UNC5A: variants seen among roughly 807,000 people sequenced by gnomAD.
UNC5A encodes netrin receptor UNC5A.
A neutral mutation model predicts 87.4 loss-of-function variants in UNC5A; 20 were observed. That is an observed-to-expected ratio of 0.23 (90% CI 0.16 to 0.33). The LOEUF is 0.33. Among genes scored for constraint, UNC5A ranks in the 10% least tolerant of loss-of-function variants. The pLI, the probability that UNC5A is intolerant of heterozygous loss-of-function variation, is 1.00. For synonymous variants in UNC5A, 438 were observed against 482.3 expected, an observed-to-expected ratio of 0.91 and a Z score of 1.20; for missense variants, 844 against 1,133.4, an observed-to-expected ratio of 0.74 and a Z score of 3.67.
chr5:176,811,146 A>G (rs1756442453), intron 1 of UNC5A, among the ~76,000 whole-genome samples: 1 of 152,220 alleles, frequency 6.6e-6, no homozygotes, highest in South Asian at 2.1e-4. Flanking sequence ...AACCCCAGGG[A>G]GCCTGACTTT....
chr5:176,873,811 C>T (rs1038981915), intron 6 of UNC5A, among the ~76,000 whole-genome samples, 157 bp from the exon 7 acceptor site: 1 of 152,202 alleles, frequency 6.6e-6, no homozygotes, highest in East Asian at 1.9e-4. Flanking sequence ...GGGATGCACA[C>T]GCACGGACTC....
At chr5:176,828,836 A>G (rs1386809355) in intron 1 of UNC5A, among the ~76,000 whole-genome samples, 1 of 150,694 alleles carries the variant, frequency 6.6e-6, no homozygotes, top group African/African-American at 2.4e-5. Context: ...TGGAGGTATG[A>G]AAGATGGATG....
rs1217072946 is a variant in UNC5A, at chr5:176,841,309, C to T, written c.71-21315C>T. On this transcript the variant is annotated intron_variant, in intron 1 of 14. Coordinates refer to ENST00000329542, the MANE Select transcript of UNC5A (RefSeq NM_133369.3). This position sits in a 1 kb window ranked among gnomAD's most constrained non-coding sequence, Gnocchi z 4.1. ...CAGAGTGAGCCAGCCAGAGGTGAAG[C>T]GGGGACTCAGACTCAGCTCCCAGCT... Among the ~76,000 whole-genome samples, 1 of 152,094 alleles carries T rather than the reference C, an allele frequency of 6.6e-6. No homozygotes were observed. The highest frequency in any genetic ancestry group is 1.5e-5 in the Non-Finnish European group (1 of 68,006).
rs1056442415 is a variant in UNC5A at position 176,842,184 on chromosome 5, G to A, written c.71-20440G>A. 2.6e-5 allele frequency among the ~76,000 whole-genome samples: 4 copies of A among 152,212 alleles called. No individual in the cohort carries two copies. The East Asian group carries it at 5.8e-4, about 22-fold the overall frequency. On this transcript the variant is annotated intron_variant, in intron 1 of 14. Coordinates refer to ENST00000329542, the MANE Select transcript of UNC5A (RefSeq NM_133369.3). ...TGCACTCCAGCCTGGATGATAGAGCGAGACTCCGTCTCAAAACAAAACAAA... is the reference window on the plus strand; with the variant it reads ...TGCACTCCAGCCTGGATGATAGAGCAAGACTCCGTCTCAAAACAAAACAAA...
chr5:176,874,088 C>T lies in UNC5A; in HGVS notation c.1007C>T (p.Ser336Leu), dbSNP rs1758198237. The T allele has an allele frequency of 3.1e-6, 5 of 1,614,104 alleles. No homozygotes were observed. Among genetic ancestry groups the T allele is most frequent in the Non-Finnish European group, 3.4e-6 (4 of 1,179,982 alleles). ...VYCRKKEGLD[S>L]DVADSSILTS... ...TGCCGGAAGAAGGAGGGGCTGGACT[C>T]AGATGTGGCTGACTCGTCCATTCTC... Residue 336 changes from serine (S) to leucine (L), a missense_variant, in exon 7 of 15, where the codon TCA (serine) becomes TTA (leucine). By Grantham distance (145) the Ser-to-Leu change is moderately radical. Around this residue, in one of 3 missense-constraint regions of UNC5A, gnomAD observed 353 missense variants for 387.5 expected, o/e 0.91. Transcript: ENST00000329542. This position sits in a 1 kb window ranked among gnomAD's most constrained non-coding sequence, Gnocchi z 7.6.
rs752966595 is a variant in UNC5A at position 176,874,132 on chromosome 5, G to A, written c.1051G>A (p.Val351Ile). 2.4e-5 allele frequency: 39 copies of A among 1,613,776 alleles called. No individual in the cohort carries two copies. Among genetic ancestry groups the A allele is most frequent in the African/African-American group, 4.0e-5 (3 of 74,906 alleles). Residue 351 changes from valine to isoleucine, a missense_variant, in exon 7 of 15, where the codon GTC becomes ATC. This residue lies in a region of UNC5A where 353 missense variants were observed against 387.5 expected (regional missense o/e 0.91). Coordinates refer to ENST00000329542, the MANE Select transcript of UNC5A (RefSeq NM_133369.3). This position sits in a 1 kb window ranked among gnomAD's most constrained non-coding sequence, Gnocchi z 7.6. ...CATTCTCACCTCAGGCTTCCAGCCC[G>A]TCAGCATCAAGCCCAGCAAAGCAGG... Reference protein sequence around the residue: ...SSILTSGFQPVSIKPSKADNP... With the variant: ...SSILTSGFQPISIKPSKADNP...
Position 176,868,092 on chromosome 5 carries a change from G to T in UNC5A, c.293-38G>T, listed in dbSNP as rs375197591. On this transcript the variant is annotated intron_variant, in intron 2 of 14. Transcript: ENST00000329542. ...AACCCACACACAGAAGCTCAGGGTG[G>T]CCCTGGGGCTCTGACTACCTGCCCC... 35 of 1,600,396 alleles carry T rather than the reference G, an allele frequency of 2.2e-5. No homozygotes were observed. In the African/African-American group the frequency reaches 4.0e-4, roughly 18 times the overall value.
rs1025266746 is a variant in UNC5A, at chr5:176,879,782, G to C, written c.2425G>C (p.Ala809Pro). The change falls in exon 15 of 15, where the codon GCG (alanine) becomes CCG (proline). Residue 809 changes from alanine (A) to proline (P), a missense_variant. By Grantham distance (27) the Ala-to-Pro change is conservative. Coordinates refer to ENST00000329542, the MANE Select transcript of UNC5A (RefSeq NM_133369.3). ...PTAMILNLWE[A>P]RHFPNGNLSQ... is the part of the protein sequence containing the mutation. ...AGCCATGATCCTCAACCTGTGGGAGGCGCGGCACTTCCCCAACGGCAACCT... is the reference window on the plus strand; with the variant it reads ...AGCCATGATCCTCAACCTGTGGGAGCCGCGGCACTTCCCCAACGGCAACCT... 6 of 1,613,470 alleles carry C rather than the reference G, an allele frequency of 3.7e-6. No individual in the cohort carries two copies. Among genetic ancestry groups the C allele is most frequent in the Non-Finnish European group, 5.1e-6 (6 of 1,179,896 alleles).
chr5:176,823,076 C>T (rs542491823), intron 1 of UNC5A, among the ~76,000 whole-genome samples: 3 of 151,000 alleles, frequency 2.0e-5, no homozygotes, highest in African/African-American at 4.9e-5. Flanking sequence ...AATGACGAGG[C>T]GTCCCTCCCT....
chr5:176,843,171 AAAAAGAAAG>A (rs1289620091), intron 1 of UNC5A, among the ~76,000 whole-genome samples: 1 of 150,228 alleles, frequency 6.7e-6, no homozygotes, highest in African/African-American at 2.5e-5. Flanking sequence ...CAAAAAAAAA[AAAAAGAAAG>A]AAAGAAAGAA....
intron 1 of UNC5A, among the ~76,000 whole-genome samples, chr5:176,845,374 C>T (rs1192424517): frequency 6.6e-6 from 1 of 152,244 alleles, no homozygotes; most frequent in Non-Finnish European, 1.5e-5. Flanking sequence ...CCAGATAGGT[C>T]CTGCCTCATA....
intron 1 of UNC5A, among the ~76,000 whole-genome samples, chr5:176,858,906 C>A (rs964980586): frequency 6.6e-6 from 1 of 152,120 alleles, no homozygotes; most frequent in African/African-American, 2.4e-5. Context: ...AGAGCCCTGA[C>A]CGGGACACCG....
chr5:176,868,457 TC>T (rs1758026369), intron 3 of UNC5A, 103 bp from the exon 4 acceptor site: 2 of 1,445,354 alleles, frequency 1.4e-6, no homozygotes, highest in South Asian at 2.5e-5. Flanking sequence ...ACCTGGCACT[TC>T]CTCTGCCATG....
At chr5:176,842,943 C>G (rs941133312) in intron 1 of UNC5A, among the ~76,000 whole-genome samples, 1 of 152,006 alleles carries the variant, frequency 6.6e-6, no homozygotes, top group Non-Finnish European at 1.5e-5. Context: ...GGGTGGATCA[C>G]CTGGGGTCAG....
Position 176,869,096 on chromosome 5 carries a change from A to C in UNC5A, c.721+132A>C. 1.9e-6 allele frequency: 2 copies of C among 1,048,392 alleles called. No individual in the cohort carries two copies. Among genetic ancestry groups the C allele is most frequent in the African/African-American group, 3.2e-5 (2 of 61,794 alleles). The allele number at this position is 1,048,392 out of a possible 1,614,324, so 64.9% of individuals were successfully genotyped here. A position where few individuals can be genotyped will look rare whatever the true frequency, so the allele number is the denominator to read the frequency against. On this transcript the variant is annotated intron_variant, in intron 5 of 14. Transcript: ENST00000329542. This position sits in a 1 kb window ranked among gnomAD's most constrained non-coding sequence, Gnocchi z 9.1. The stretch of plus-strand genomic sequence containing the variant: ...ACCAGATCGTGCCTGACTAGGCAGG[A>C]TAAGCAAAGGGCTCTCTGTGACTGC...
At chr5:176,858,388 G>C (rs551248660) in intron 1 of UNC5A, among the ~76,000 whole-genome samples, 1 of 152,300 alleles carries the variant, frequency 6.6e-6, no homozygotes, top group South Asian at 2.1e-4. Context: ...TTCAGGCAGA[G>C]ACCTGGAGGT....
intron 1 of UNC5A, among the ~76,000 whole-genome samples, chr5:176,859,866 C>T (rs1757790974): frequency 6.6e-6 from 1 of 152,234 alleles, no homozygotes; most frequent in Admixed American, 6.5e-5. Context: ...CTGGAGGGTG[C>T]CCCCTGGGTC....
At chr5:176,846,504 C>T (rs922695303) in intron 1 of UNC5A, among the ~76,000 whole-genome samples, 2 of 152,172 alleles carry the variant, frequency 1.3e-5, no homozygotes, top group African/African-American at 2.4e-5. Flanking sequence ...GCTATTGAGG[C>T]ATCTTATACA....
chr5:176,828,220 C>T (rs914545737), intron 1 of UNC5A, among the ~76,000 whole-genome samples: 19 of 152,214 alleles, frequency 1.2e-4, no homozygotes, highest in South Asian at 2.1e-4. Flanking sequence ...ACGCAGTGCG[C>T]GGCTGTGATT....
Sources: gnomAD v4.1 joint callset for allele counts (sites outside exome capture counted in the v4.1 genomes callset) on GRCh38, gnomAD v4.1.1 for gene constraint, gnomAD v4.1.1 regional missense constraint, Gnocchi (gnomAD v3.1) non-coding constraint, MANE v1.5 for transcripts, NCBI Gene and HGNC (gene_info 2026-07-23, HGNC 2026-07-21) for gene names.